Variants in SUGCT observed in about 807,000 individuals in gnomAD.
SUGCT encodes the protein succinyl-CoA:glutarate CoA-transferase.
Under a neutral mutation model 55.0 loss-of-function variants are expected in SUGCT, and 41 were observed. That is an observed-to-expected ratio of 0.74 (90% CI 0.58 to 0.97). SUGCT has a LOEUF of 0.97. Among genes scored for constraint, SUGCT ranks in the 50% least tolerant of loss-of-function variants. SUGCT has a pLI of 0.00. For synonymous variants in SUGCT, 187 were observed against 200.4 expected (o/e 0.93, Z 0.56); for missense variants, 568 against 547.8 (o/e 1.04, Z -0.37).
chr7:40,434,040 A>G (rs1165180937), intron 9 of SUGCT, among the ~76,000 whole-genome samples: 1 of 152,162 alleles, frequency 6.6e-6, no homozygotes, highest in Non-Finnish European at 1.5e-5. Context: ...GGAAATAATT[A>G]TTGCTTTCTT....
chr7:40,418,888 G>A (rs1425673150), intron 9 of SUGCT, among the ~76,000 whole-genome samples: 1 of 152,108 alleles, frequency 6.6e-6, no homozygotes, highest in Non-Finnish European at 1.5e-5. Context: ...GCCATATTAA[G>A]CACTATAATT....
intron 12 of SUGCT, among the ~76,000 whole-genome samples, chr7:40,699,279 CTG>C (rs942266556): frequency 6.6e-6 from 1 of 152,068 alleles, no homozygotes; most frequent in Non-Finnish European, 1.5e-5. Flanking sequence ...ATATCAATAA[CTG>C]GGATGCAGCT....
chr7:40,186,473 G>T (rs1785517245), intron 3 of SUGCT, among the ~76,000 whole-genome samples: 1 of 151,954 alleles, frequency 6.6e-6, no homozygotes, highest in Non-Finnish European at 1.5e-5. Flanking sequence ...TGCCTAGGCT[G>T]TTCTCAAACT....
intron 12 of SUGCT, among the ~76,000 whole-genome samples, chr7:40,669,352 A>C (rs1473444261): frequency 9.7e-6 from 1 of 103,150 alleles, no homozygotes; most frequent in Non-Finnish European, 2.2e-5. Context: ...GCTTCAAAAA[A>C]AAAAAAAAAA....
chr7:40,849,921 A>G (rs1022115074), intron 13 of SUGCT, among the ~76,000 whole-genome samples: 1 of 152,286 alleles, frequency 6.6e-6, no homozygotes, highest in East Asian at 1.9e-4. Context: ...ACTCAGAGGC[A>G]TGAGAAATTG....
chr7:40,338,115 T>A (rs1236186364), intron 9 of SUGCT, among the ~76,000 whole-genome samples: 1 of 152,210 alleles, frequency 6.6e-6, no homozygotes, highest in Non-Finnish European at 1.5e-5. Context: ...TGCCAATAGA[T>A]CCGCTGTTAG....
intron 12 of SUGCT, among the ~76,000 whole-genome samples, chr7:40,581,711 T>C (rs1797101940): frequency 6.6e-6 from 1 of 152,158 alleles, no homozygotes; most frequent in South Asian, 2.1e-4. Context: ...GGAACACCCA[T>C]AGGCTAGAAT....
intron 9 of SUGCT, among the ~76,000 whole-genome samples, chr7:40,412,833 T>G (rs1211643600): frequency 6.6e-6 from 1 of 152,186 alleles, no homozygotes; most frequent in Non-Finnish European, 1.5e-5. Context: ...TTTCTCTGTT[T>G]GGAGGGTCCA....
chr7:40,601,981 C>T (rs1207988803), intron 12 of SUGCT, among the ~76,000 whole-genome samples: 1 of 152,118 alleles, frequency 6.6e-6, no homozygotes, highest in Non-Finnish European at 1.5e-5. Flanking sequence ...GAAATAGTTT[C>T]TTTGGACTTT....
At position 40,686,121 on chromosome 7, in the gene SUGCT, G is replaced by A. The variant is rs181196753; in HGVS notation, c.1090-63313G>A. Reference sequence around the variant, plus strand: ...ATTTTACCTGAGTAAATGTGGTACAGTTGGTTATACTTTTCTTCTGGTTCC... The same window carrying A: ...ATTTTACCTGAGTAAATGTGGTACAATTGGTTATACTTTTCTTCTGGTTCC... On this transcript the variant is annotated intron_variant, in intron 12 of 13. Transcript: ENST00000335693. Among the ~76,000 whole-genome samples the A allele has an allele frequency of 4.0e-5, 6 of 151,210 alleles. No homozygotes were observed. In the East Asian group the frequency reaches 9.7e-4, roughly 24 times the overall value.
At chr7:40,664,998 T>C (rs1471923921) in intron 12 of SUGCT, among the ~76,000 whole-genome samples, 1 of 147,554 alleles carries the variant, frequency 6.8e-6, no homozygotes, top group East Asian at 2.0e-4. Context: ...AAAAAAAAAA[T>C]CTTTTTCTGT....
rs187297708 is a variant in SUGCT, at chr7:40,261,651, T to C, written c.577-12862T>C. On this transcript the variant is annotated intron_variant, in intron 7 of 13. Transcript: ENST00000335693. ...GGTATGAGCATCTCTCCTAGATGAC[T>C]TAGAAATTTACCTACCTAAAGGCAG... is the stretch of plus-strand genomic sequence containing the variant. Among the ~76,000 whole-genome samples the C allele has an allele frequency of 4.9e-4, 75 of 152,350 alleles. 1 individual carries two copies. The highest frequency in any genetic ancestry group is 1.8e-3 in the African/African-American group (74 of 41,586).
chr7:40,395,102 G>A (rs1785649339), intron 9 of SUGCT, among the ~76,000 whole-genome samples: 1 of 152,028 alleles, frequency 6.6e-6, no homozygotes, highest in Non-Finnish European at 1.5e-5. Context: ...CATAGGCCAG[G>A]TAGGCACAGG....
At chr7:40,401,605 G>A (rs773058942) in intron 9 of SUGCT, among the ~76,000 whole-genome samples, 28 of 152,214 alleles carry the variant, frequency 1.8e-4, no homozygotes, top group Non-Finnish European at 3.1e-4. Flanking sequence ...CAACTTTGCA[G>A]TCTGGGAACT....
the SUGCT span, among the ~76,000 whole-genome samples, chr7:40,945,783 A>C: frequency 6.6e-6 from 1 of 152,082 alleles, no homozygotes; most frequent in East Asian, 1.9e-4. Context: ...CTGAGGGCCA[A>C]ACTACTGTGA....
chr7:40,453,697 G>A (rs1789317894), intron 10 of SUGCT, among the ~76,000 whole-genome samples: 1 of 152,186 alleles, frequency 6.6e-6, no homozygotes, highest in African/African-American at 2.4e-5. Flanking sequence ...ACCAGCAAGA[G>A]TAAAAATTCT....
At chr7:40,657,742 G>A (rs959459725) in intron 12 of SUGCT, among the ~76,000 whole-genome samples, 37 of 152,284 alleles carry the variant, frequency 2.4e-4, no homozygotes, top group East Asian at 9.7e-4. Flanking sequence ...CGCCATGTTG[G>A]CCACGCTGAT....
chr7:40,889,813 C>A, the SUGCT span, among the ~76,000 whole-genome samples: 1 of 152,182 alleles, frequency 6.6e-6, no homozygotes, highest in South Asian at 2.1e-4. Context: ...CCTGTTACCA[C>A]TTTCCTGAGT....
rs1480868761 is a variant in SUGCT, at chr7:40,333,700, TATAA to T, written c.816+16849_816+16852del. Among the ~76,000 whole-genome samples, 341 of 117,010 alleles carry T rather than the reference TATAA, an allele frequency of 2.9e-3. 2 individuals carry two copies. The highest frequency in any genetic ancestry group is 4.2e-3 in the Non-Finnish European group (241 of 57,956). The allele number at this position is 117,010 out of a possible 152,430, so 76.8% of individuals were successfully genotyped here. ...ATATATATATATATATATATATATATATAAATATTTATAAAATACACACATATAT... is the reference window on the plus strand; with the variant it reads ...ATATATATATATATATATATATATATATATTTATAAAATACACACATATAT... On this transcript the variant is annotated intron_variant, in intron 9 of 13. Transcript: ENST00000335693.
Sources: allele counts gnomAD v4.1 joint callset (sites outside exome capture counted in the v4.1 genomes callset), GRCh38; gene constraint gnomAD v4.1.1; transcripts MANE v1.5; gene names NCBI Gene and HGNC (gene_info 2026-07-23, HGNC 2026-07-21).